ATP6V0A2: variants seen among roughly 807,000 people sequenced by gnomAD.
ATP6V0A2 encodes the protein V-type proton ATPase 116 kDa subunit a 2.
ATP6V0A2 carries 58 observed loss-of-function variants against 104.4 expected under a neutral mutation model. The observed-to-expected ratio is 0.56, with a 90% CI of 0.45 to 0.69. ATP6V0A2 has a LOEUF of 0.69. Among genes scored for constraint, ATP6V0A2 ranks in the 30% least tolerant of loss-of-function variants. The pLI is 0.00. For synonymous variants in ATP6V0A2, 376 were observed against 397.9 expected, an observed-to-expected ratio of 0.95 and a Z score of 0.65; for missense variants, 938 against 1,062.9, an observed-to-expected ratio of 0.88 and a Z score of 1.63.
In ATP6V0A2 at chr12:123,712,673, G is replaced by C; in HGVS notation, c.108G>C (p.Gln36His). 3.1e-6 allele frequency: 5 copies of C among 1,609,922 alleles called. No individual in the cohort carries two copies. The highest frequency in any genetic ancestry group is 1.3e-5 in the African/African-American group (1 of 74,990). The part of the protein sequence containing the change: ...LSALGEKGLV[Q>H]FRDLNQNVSS... ...CCCTGGGCGAGAAAGGCCTGGTCCA[G>C]TTCCGAGACGTGAGTGTCGCCCGGG... Residue 36 changes from glutamine to histidine, a missense_variant, in exon 1 of 20, where the codon CAG becomes CAC. Transcript: ENST00000330342.
intron 2 of ATP6V0A2, among the ~76,000 whole-genome samples, chr12:123,718,991 A>G (rs1956370888): frequency 6.6e-6 from 1 of 152,166 alleles, no homozygotes. Context: ...AGACATAGAT[A>G]TTTACCCATC....
intron 2 of ATP6V0A2, among the ~76,000 whole-genome samples, chr12:123,719,587 A>T (rs1327169391): frequency 6.6e-6 from 1 of 151,822 alleles, no homozygotes; most frequent in African/African-American, 2.4e-5. Flanking sequence ...GGGTTTTACC[A>T]TGTTGGCCAG....
At chr12:123,713,649 G>T (rs1226856498) in intron 1 of ATP6V0A2, among the ~76,000 whole-genome samples, 1 of 152,096 alleles carries the variant, frequency 6.6e-6, no homozygotes, top group Non-Finnish European at 1.5e-5. Flanking sequence ...GGAGGAGACA[G>T]ATTAAACACA....
intron 1 of ATP6V0A2, among the ~76,000 whole-genome samples, chr12:123,716,963 A>G (rs1956346761): frequency 6.6e-6 from 1 of 151,592 alleles, no homozygotes; most frequent in South Asian, 2.1e-4. Flanking sequence ...TGGACATTCC[A>G]TGTAAGTGGA....
At chr12:123,719,539 A>G (rs576192053) in intron 2 of ATP6V0A2, among the ~76,000 whole-genome samples, 2 of 151,986 alleles carry the variant, frequency 1.3e-5, no homozygotes, top group South Asian at 4.2e-4. Context: ...GGTGCGTGCC[A>G]CCACACCTGG....
At chr12:123,743,718 C>G in intron 9 of ATP6V0A2, 67 bp from the exon 10 acceptor site, 1 of 1,579,770 alleles carries the variant, frequency 6.3e-7, no homozygotes, top group Non-Finnish European at 8.7e-7. Flanking sequence ...AACCCAGATT[C>G]GTTGAATATG....
chr12:123,718,567 A>G, intron 1 of ATP6V0A2, 56 bp from the exon 2 acceptor site: 2 of 1,326,858 alleles, frequency 1.5e-6, no homozygotes, highest in East Asian at 2.4e-5. Context: ...TATTTTTTAC[A>G]TAAAAGTATT....
rs142041624 is a variant in ATP6V0A2, at chr12:123,756,888, A to C, written c.2367A>C (p.Leu789=). ...TTGACACCACCTATGGCGTCTTGCT[A>C]CTGCTCCCGGTTATCGCGCTCTTTG... ...LRVDTTYGVL[L]LLPVIALFAV... The change falls in exon 19 of 20, where the codon CTA becomes CTC. Residue 789 remains leucine (L), a synonymous_variant. Transcript: ENST00000330342. 1.2e-6 allele frequency: 2 copies of C among 1,614,190 alleles called. No individual in the cohort carries two copies. Among genetic ancestry groups the C allele is most frequent in the Non-Finnish European group, 8.5e-7 (1 of 1,180,028 alleles).
At chr12:123,748,857 G>C (rs1956688173) in intron 15 of ATP6V0A2, 72 bp downstream of exon 15, 1 of 1,426,062 alleles carries the variant, frequency 7.0e-7, no homozygotes, top group Non-Finnish European at 9.9e-7. Context: ...AGCAGTAGAA[G>C]TGTTGGGGTG....
At chr12:123,713,685 C>G (rs1312926000) in intron 1 of ATP6V0A2, among the ~76,000 whole-genome samples, 1 of 152,060 alleles carries the variant, frequency 6.6e-6, no homozygotes, top group East Asian at 1.9e-4. Context: ...GTGATAAGTG[C>G]TAAGAAGGCA....
intron 18 of ATP6V0A2, 93 bp downstream of exon 18, chr12:123,754,630 GTCA>G (rs1240695561): frequency 2.0e-5 from 18 of 880,380 alleles, no homozygotes; most frequent in Non-Finnish European, 2.3e-5. Context: ...GTAACTAATA[GTCA>G]TAGCACCATC....
intron 1 of ATP6V0A2, among the ~76,000 whole-genome samples, chr12:123,714,538 C>T (rs1032264949): frequency 6.6e-6 from 1 of 152,170 alleles, no homozygotes; most frequent in Non-Finnish European, 1.5e-5. Context: ...GGAAAGTTCG[C>T]ACTTTTGTTA....
chr12:123,720,893 A>G (rs1015623651), intron 2 of ATP6V0A2, among the ~76,000 whole-genome samples: 5 of 152,128 alleles, frequency 3.3e-5, no homozygotes, highest in Admixed American at 2.0e-4. Context: ...AAATTGAAGT[A>G]TAAATTGGTT....
In ATP6V0A2 at chr12:123,759,089, G is replaced by T. The variant is rs1350668736; in HGVS notation, c.*1057G>T. The T allele has an allele frequency of 6.6e-6, 1 of 152,610 alleles. No individual in the cohort carries two copies. Among genetic ancestry groups the T allele is most frequent in the Non-Finnish European group, 1.5e-5 (1 of 68,046 alleles). 9.5% of individuals were successfully genotyped at this position (152,610 alleles called of 1,614,324 possible). ...AGAAGATATAATGCGGACATGATTT[G>T]AATTTAGTGACAGCTTGGCTGATGT... is the stretch of plus-strand genomic sequence containing the variant. On this transcript the variant is annotated 3_prime_UTR_variant, in exon 20 of 20. Coordinates refer to ENST00000330342, the MANE Select transcript of ATP6V0A2 (RefSeq NM_012463.4).
intron 1 of ATP6V0A2, 40 bp downstream of exon 1, chr12:123,712,722 C>T: frequency 1.3e-6 from 2 of 1,541,832 alleles, no homozygotes; most frequent in Non-Finnish European, 8.9e-7. Flanking sequence ...ACCTGCTCTC[C>T]TGGCGCCCCC....
chr12:123,733,313 CAAA>C (rs11339028), intron 6 of ATP6V0A2: 15 of 102,220 alleles, frequency 1.5e-4, no homozygotes, highest in Non-Finnish European at 2.0e-4. Flanking sequence ...GACTCTGTCT[CAAA>C]AAAAAAAAAA....
At chr12:123,752,509 A>C in intron 17 of ATP6V0A2, 107 bp downstream of exon 17, 1 of 1,390,674 alleles carries the variant, frequency 7.2e-7, no homozygotes. Flanking sequence ...GGTTAAGAAA[A>C]TGGGACTTCC....
intron 17 of ATP6V0A2, among the ~76,000 whole-genome samples, chr12:123,752,851 T>C (rs1021940780): frequency 6.6e-6 from 1 of 152,146 alleles, no homozygotes; most frequent in South Asian, 2.1e-4. Context: ...GAGGCCTTGG[T>C]TGGCTTTTTT....
In ATP6V0A2 at chr12:123,757,925, A is replaced by G. The variant is rs868528022; in HGVS notation, c.2466-2A>G. 1.4e-6 allele frequency: 2 copies of G among 1,422,600 alleles called. No individual in the cohort carries two copies. Among genetic ancestry groups the G allele is most frequent in the Non-Finnish European group, 1.9e-6 (2 of 1,041,154 alleles). The allele number at this position is 1,422,600 out of a possible 1,614,324, so 88.1% of individuals were successfully genotyped here. On this transcript the variant is annotated splice_acceptor_variant, in intron 19 of 19. Coordinates refer to ENST00000330342, the MANE Select transcript of ATP6V0A2 (RefSeq NM_012463.4). LOFTEE classifies it high-confidence loss of function. Reference sequence around the variant, plus strand: ...TTAATACATGGCTTTTTTTTTTTTTAGGGTAGAATTTCAGAACAAATTCTA... The same window carrying G: ...TTAATACATGGCTTTTTTTTTTTTTGGGGTAGAATTTCAGAACAAATTCTA...
Sources: allele counts gnomAD v4.1 joint callset (sites outside exome capture counted in the v4.1 genomes callset), GRCh38; gene constraint gnomAD v4.1.1; transcripts MANE v1.5; gene names NCBI Gene and HGNC (gene_info 2026-07-23, HGNC 2026-07-21).